TTLL11: variants seen among roughly 807,000 people sequenced by gnomAD.
TTLL11 encodes tubulin tyrosine ligase like 11.
TTLL11 carries 42 observed loss-of-function variants against 51.7 expected under a neutral mutation model. The ratio of observed to expected loss-of-function variants is 0.81; its 90% confidence interval spans 0.64 to 1.05. The LOEUF (loss-of-function observed/expected upper bound fraction) is 1.05, where lower values mean the gene tolerates loss of function less well. TTLL11 is among the 50% of genes least tolerant of loss of function. The probability of loss-of-function intolerance (pLI) is 0.00; values close to 1 mark genes in which losing one functional copy is unlikely to be tolerated. For synonymous variants in TTLL11, 381 were observed against 383.5 expected, an observed-to-expected ratio of 0.99 and a Z score of 0.08; for missense variants, 799 against 940.4, an observed-to-expected ratio of 0.85 and a Z score of 1.97.
intron 3 of TTLL11, among the ~76,000 whole-genome samples, chr9:122,024,108 G>A (rs1266850961): frequency 6.6e-6 from 1 of 151,984 alleles, no homozygotes; most frequent in Non-Finnish European, 1.5e-5. Flanking sequence ...CAAGGTTGCA[G>A]GATACAAGAT....
chr9:121,882,721 C>T (rs927964770), intron 6 of TTLL11, among the ~76,000 whole-genome samples: 1 of 152,168 alleles, frequency 6.6e-6, no homozygotes, highest in Non-Finnish European at 1.5e-5. Context: ...CCTGCCCACC[C>T]CTTCACGACA....
chr9:121,951,597 G>A (rs1006138492), intron 6 of TTLL11, among the ~76,000 whole-genome samples: 1 of 152,144 alleles, frequency 6.6e-6, no homozygotes, highest in Non-Finnish European at 1.5e-5. Flanking sequence ...CACAGTGACT[G>A]ATTATTATCT....
chr9:122,037,724 A>G (rs1447458114), intron 2 of TTLL11, among the ~76,000 whole-genome samples: 1 of 152,204 alleles, frequency 6.6e-6, no homozygotes, highest in Non-Finnish European at 1.5e-5. Flanking sequence ...TTGAGGAGCC[A>G]GAGACTAGTC....
At position 121,822,684 on chromosome 9, in the gene TTLL11, T is replaced by C; in HGVS notation, c.2036A>G (p.Gln679Arg). ...TGGCTGGGCCGAGGGGGAGGGCTCC[T>C]GGGGAGGGCCACGGTGTGGGGGCCG... ...GGRPPHRGPP[Q>R]EPSPSAQPAG... The change falls in exon 9 of 9, where the codon CAG becomes CGG. Residue 679 changes from glutamine to arginine, a missense_variant. Around this residue, in one of 3 missense-constraint regions of TTLL11, gnomAD observed 165 missense variants for 166.1 expected, o/e 0.99. Coordinates refer to ENST00000321582, the MANE Select transcript of TTLL11 (RefSeq NM_001139442.2). The surrounding 1 kb of genome is among the most constrained non-coding windows in gnomAD (Gnocchi z 5.8). 1.2e-5 allele frequency: 18 copies of C among 1,505,138 alleles called. No individual in the cohort carries two copies. The highest frequency in any genetic ancestry group is 1.1e-5 in the Non-Finnish European group (12 of 1,121,660). 93.2% of individuals were successfully genotyped at this position (1,505,138 alleles called of 1,614,324 possible). A position where few individuals can be genotyped will look rare whatever the true frequency, so the allele number is the denominator to read the frequency against.
At chr9:122,070,524 C>T (rs1177812309) in intron 1 of TTLL11, among the ~76,000 whole-genome samples, 1 of 151,916 alleles carries the variant, frequency 6.6e-6, no homozygotes, top group Non-Finnish European at 1.5e-5. Context: ...TCCAGAGTCT[C>T]CTTTTAAATG....
intron 3 of TTLL11, among the ~76,000 whole-genome samples, chr9:121,996,852 A>C (rs1354193682): frequency 6.6e-6 from 1 of 152,176 alleles, no homozygotes. Flanking sequence ...GTAATTGCCA[A>C]CTCTCCACTC....
chr9:121,976,166 G>C (rs1842704820), intron 4 of TTLL11, among the ~76,000 whole-genome samples: 1 of 152,178 alleles, frequency 6.6e-6, no homozygotes, highest in South Asian at 2.1e-4. Flanking sequence ...GCAGGGCCCT[G>C]TGTGACACCC....
rs1491163835 is a variant in TTLL11, at chr9:121,826,217, T to TACACAC, written c.1841-3339_1841-3338insGTGTGT. On this transcript the variant is annotated intron_variant, in intron 8 of 8. Transcript: ENST00000321582. ...ATATATATATATATATATATATATA[T>TACACAC]GCACACATATATATATACACGCACA... Among the ~76,000 whole-genome samples the TACACAC allele has an allele frequency of 5.2e-4, 30 of 58,104 alleles. 1 individual carries two copies. Among genetic ancestry groups the TACACAC allele is most frequent in the Non-Finnish European group, 3.9e-4 (13 of 33,196 alleles). The allele number at this position is 58,104 out of a possible 152,430, so 38.1% of individuals were successfully genotyped here.
chr9:121,888,284 C>T (rs1050926132), intron 6 of TTLL11, among the ~76,000 whole-genome samples: 5 of 152,340 alleles, frequency 3.3e-5, no homozygotes, highest in South Asian at 2.1e-4. Context: ...GTCAACACAT[C>T]TGAAGAGGAA....
intron 6 of TTLL11, among the ~76,000 whole-genome samples, chr9:121,966,014 C>T (rs1842388932): frequency 6.6e-6 from 1 of 152,218 alleles, no homozygotes; most frequent in South Asian, 2.1e-4. Flanking sequence ...TGGCACCAAA[C>T]ATGGCACAGG....
chr9:121,850,264 C>T (rs1417994944), intron 8 of TTLL11, among the ~76,000 whole-genome samples: 3 of 152,150 alleles, frequency 2.0e-5, no homozygotes, highest in African/African-American at 4.8e-5. Flanking sequence ...GGAATTGGCT[C>T]AGGGCTGAGA....
intron 3 of TTLL11, among the ~76,000 whole-genome samples, chr9:122,025,691 A>G (rs1052605398): frequency 2.6e-5 from 4 of 152,200 alleles, no homozygotes; most frequent in Non-Finnish European, 4.4e-5. Context: ...ATGTTCATAC[A>G]TTGTTGATGG....
At chr9:121,948,531 A>C (rs1333769718) in intron 6 of TTLL11, among the ~76,000 whole-genome samples, 3 of 152,196 alleles carry the variant, frequency 2.0e-5, no homozygotes, top group Non-Finnish European at 2.9e-5. Context: ...CCGCTCTCCA[A>C]GCCCTTCCAT....
intron 6 of TTLL11, among the ~76,000 whole-genome samples, chr9:121,946,669 T>TGTCC (rs1841681251): frequency 6.6e-6 from 1 of 152,218 alleles, no homozygotes; most frequent in African/African-American, 2.4e-5. Flanking sequence ...TACCCACAAG[T>TGTCC]GTCCGTCAGG....
At position 121,867,929 on chromosome 9, in the gene TTLL11, G is replaced by A. The variant is rs116571491; in HGVS notation, c.1733+2568C>T. 1.7e-3 allele frequency among the ~76,000 whole-genome samples: 265 copies of A among 152,266 alleles called. 2 individuals carry two copies. The highest frequency in any genetic ancestry group is 6.0e-3 in the African/African-American group (250 of 41,560). ...GGCTACCAGGTGCTCAGGAACAGTCGTTAGGTTAAACCAGACATAATCCTT... is the reference window on the plus strand; with the variant it reads ...GGCTACCAGGTGCTCAGGAACAGTCATTAGGTTAAACCAGACATAATCCTT... On this transcript the variant is annotated intron_variant, in intron 7 of 8. Transcript: ENST00000321582.
intron 1 of TTLL11, among the ~76,000 whole-genome samples, chr9:122,041,227 G>A (rs1026112551): frequency 7.9e-5 from 12 of 152,198 alleles, no homozygotes; most frequent in African/African-American, 2.9e-4. Flanking sequence ...TAGGAATATG[G>A]GGGATATAAT....
At chr9:121,857,992 C>A (rs1409521605) in intron 8 of TTLL11, among the ~76,000 whole-genome samples, 1 of 152,196 alleles carries the variant, frequency 6.6e-6, no homozygotes, top group African/African-American at 2.4e-5. Context: ...TGACTCCCCA[C>A]ATTCAGCTCA....
chr9:122,009,061 A>T (rs1843729835), intron 3 of TTLL11, among the ~76,000 whole-genome samples: 1 of 152,240 alleles, frequency 6.6e-6, no homozygotes, highest in Non-Finnish European at 1.5e-5. Flanking sequence ...TTGTCAAAGG[A>T]TACAAAATTT....
chr9:121,850,527 ATGAGGGAGCAGTGAAGGGG>A (rs1837636832), intron 8 of TTLL11, among the ~76,000 whole-genome samples: 1 of 152,040 alleles, frequency 6.6e-6, no homozygotes, highest in African/African-American at 2.4e-5. Flanking sequence ...TCCCAGCTCC[ATGAGGGAGCAGTGAAGGGG>A]GAGGAGTGGG....
Sources: gnomAD v4.1 joint callset for allele counts (sites outside exome capture counted in the v4.1 genomes callset) on GRCh38, gnomAD v4.1.1 for gene constraint, gnomAD v4.1.1 regional missense constraint, Gnocchi (gnomAD v3.1) non-coding constraint, MANE v1.5 for transcripts, NCBI Gene and HGNC (gene_info 2026-07-23, HGNC 2026-07-21) for gene names.